The following POLE2 variants were observed in gnomAD, a reference collection of about 807,000 sequenced individuals.
POLE2 encodes the protein DNA polymerase epsilon subunit 2.
In POLE2, 56 loss-of-function variants were observed where a neutral mutation model predicts 79.4. The observed-to-expected ratio is 0.71, with a 90% CI of 0.57 to 0.88. POLE2 has a LOEUF of 0.88. Ranked by LOEUF, POLE2 falls within the 40% of genes least tolerant of loss-of-function variation. The pLI, the probability that POLE2 is intolerant of heterozygous loss-of-function variation, is 0.00. For synonymous variants in POLE2, 212 were observed against 214.0 expected, an observed-to-expected ratio of 0.99 and a Z score of 0.08; for missense variants, 598 against 638.9, an observed-to-expected ratio of 0.94 and a Z score of 0.69.
At chr14:49,656,041 T>C (rs149061645) in intron 10 of POLE2, among the ~76,000 whole-genome samples, 198 bp from the exon 11 acceptor site, 2 of 152,262 alleles carry the variant, frequency 1.3e-5, no homozygotes, top group East Asian at 3.9e-4. Context: ...AATAAAATAA[T>C]AGGCTATATC....
At chr14:49,681,821 C>T (rs561867698) in intron 2 of POLE2, 10 of 143,500 alleles carry the variant, frequency 7.0e-5, no homozygotes, top group South Asian at 7.0e-4. Context: ...GACTCTGTCC[C>T]GCTCTCACCA....
intron 3 of POLE2, among the ~76,000 whole-genome samples, chr14:49,678,508 G>A (rs1886470046): frequency 6.6e-6 from 1 of 152,188 alleles, no homozygotes; most frequent in African/African-American, 2.4e-5. Context: ...GCAGATTGGT[G>A]TGGGGGAAAA....
At chr14:49,670,803 T>C (rs1351477795) in intron 5 of POLE2, among the ~76,000 whole-genome samples, 1 of 152,234 alleles carries the variant, frequency 6.6e-6, no homozygotes, top group Non-Finnish European at 1.5e-5. Context: ...AGATGCCTCC[T>C]GATATTGTGT....
chr14:49,643,593 A>G lies in POLE2; in HGVS notation c.*59T>C, dbSNP rs1189277336. Reference sequence around the variant, plus strand: ...AATTTTATTGTAATATCAGAATCACATAAGATATAGAGTTAAGCAGAAAAC... The same window carrying G: ...AATTTTATTGTAATATCAGAATCACGTAAGATATAGAGTTAAGCAGAAAAC... On this transcript the variant is annotated 3_prime_UTR_variant, in exon 19 of 19. Coordinates refer to ENST00000216367, the MANE Select transcript of POLE2 (RefSeq NM_002692.4). 7 of 877,088 alleles carry G rather than the reference A, an allele frequency of 8.0e-6. No homozygotes were observed. Among genetic ancestry groups the G allele is most frequent in the Middle Eastern group, 2.2e-4 (1 of 4,562 alleles). 54.3% of individuals were successfully genotyped at this position (877,088 alleles called of 1,614,324 possible).
In POLE2 at chr14:49,651,342, C is replaced by T. The variant is rs751584359; in HGVS notation, c.1247G>A (p.Arg416His). ...GCACATTTTATTTACTAAGTCTTCA[C>T]GGAAGACAGTAATTTCCTGTGTACA... ...QYCTQEITVF[R>H]EDLVNKMCRN... The change falls in exon 16 of 19, where the codon CGT (arginine) becomes CAT (histidine). Residue 416 changes from arginine to histidine, a missense_variant. Arg to His is a conservative substitution (Grantham distance 29, BLOSUM62 0). Coordinates refer to ENST00000216367, the MANE Select transcript of POLE2 (RefSeq NM_002692.4). 14 of 1,588,980 alleles carry T rather than the reference C, an allele frequency of 8.8e-6. No individual in the cohort carries two copies. The African/African-American group carries it at 9.4e-5, about 11-fold the overall frequency.
chr14:49,686,033 T>G (rs1206464398), intron 1 of POLE2, among the ~76,000 whole-genome samples: 1 of 152,134 alleles, frequency 6.6e-6, no homozygotes, highest in East Asian at 1.9e-4. Flanking sequence ...TAGCCCTTCT[T>G]TCCTGGAATC....
chr14:49,647,325 A>G lies in POLE2; in HGVS notation c.1533T>C (p.Val511=). 1 of 1,577,038 alleles carries G rather than the reference A, an allele frequency of 6.3e-7. No homozygotes were observed. Among genetic ancestry groups the G allele is most frequent in the Non-Finnish European group, 8.6e-7 (1 of 1,158,120 alleles). ...CTACTGTCTTATTAGAAGGATAAAAAACTTTGAATGAAAATCCACTTCTTG... is the reference window on the plus strand; with the variant it reads ...CTACTGTCTTATTAGAAGGATAAAAGACTTTGAATGAAAATCCACTTCTTG... ...SFPRSGFSFK[V]FYPSNKTVED... is the part of the protein sequence containing the mutation. Residue 511 remains valine (V), a synonymous_variant, in exon 18 of 19, where the codon GTT becomes GTC. Coordinates refer to ENST00000216367, the MANE Select transcript of POLE2 (RefSeq NM_002692.4).
intron 10 of POLE2, among the ~76,000 whole-genome samples, chr14:49,660,247 G>A (rs1049753036): frequency 6.6e-5 from 10 of 152,180 alleles, no homozygotes; most frequent in Non-Finnish European, 1.3e-4. Context: ...CAGCCTTGGT[G>A]TACAGTGGGC....
At chr14:49,660,948 G>A (rs1566543865) in intron 10 of POLE2, among the ~76,000 whole-genome samples, 2 of 152,192 alleles carry the variant, frequency 1.3e-5, no homozygotes, top group Admixed American at 1.3e-4. Flanking sequence ...GGGGGGTAGG[G>A]GGACAAAGTC....
intron 10 of POLE2, among the ~76,000 whole-genome samples, chr14:49,658,502 A>G (rs1884874467): frequency 6.6e-6 from 1 of 152,236 alleles, no homozygotes; most frequent in Admixed American, 6.5e-5. Context: ...TGACCACTAA[A>G]GCACCTTTAG....
intron 11 of POLE2, 152 bp downstream of exon 11, chr14:49,655,519 G>C (rs1884593754): frequency 3.4e-6 from 2 of 596,846 alleles, no homozygotes; most frequent in Non-Finnish European, 5.7e-6. Context: ...AAAAATTTAA[G>C]TCTTTAAAAT....
intron 18 of POLE2, among the ~76,000 whole-genome samples, chr14:49,646,318 T>G (rs867061729): frequency 1.3e-4 from 9 of 69,618 alleles, no homozygotes; most frequent in Non-Finnish European, 2.5e-4. Flanking sequence ...TTTTTTTTTT[T>G]TTTTTTTTTT....
At chr14:49,680,757 CT>C (rs939921911) in intron 2 of POLE2, among the ~76,000 whole-genome samples, 244 of 140,816 alleles carry the variant, frequency 1.7e-3, no homozygotes, top group Middle Eastern at 3.6e-3. Flanking sequence ...GTATCATTTT[CT>C]TTTTTTTTTT....
chr14:49,650,819 G>T (rs949050522), intron 16 of POLE2, among the ~76,000 whole-genome samples: 1 of 151,984 alleles, frequency 6.6e-6, no homozygotes, highest in African/African-American at 2.4e-5. Context: ...ATCTATTTCC[G>T]TACTTCTCAA....
intron 6 of POLE2, 102 bp downstream of exon 6, chr14:49,669,422 C>A: frequency 2.9e-6 from 2 of 689,196 alleles, no homozygotes; most frequent in Admixed American, 2.4e-5. Flanking sequence ...TAAACAGTTA[C>A]CAATAGTTTA....
intron 1 of POLE2, among the ~76,000 whole-genome samples, chr14:49,687,707 T>C (rs572973816): frequency 5.4e-4 from 82 of 151,912 alleles, no homozygotes; most frequent in Non-Finnish European, 9.7e-4. Context: ...CCTCGCTTCT[T>C]AGAACTTTTT....
At chr14:49,645,320 T>C (rs1161900884) in intron 18 of POLE2, among the ~76,000 whole-genome samples, 2 of 152,250 alleles carry the variant, frequency 1.3e-5, no homozygotes, top group Non-Finnish European at 2.9e-5. Context: ...ACAGGGTTAA[T>C]TTTATCAACT....
chr14:49,664,305 C>T (rs567978938), intron 9 of POLE2, among the ~76,000 whole-genome samples: 7 of 141,748 alleles, frequency 4.9e-5, no homozygotes, highest in Admixed American at 2.8e-4. Context: ...GCCGAGATCG[C>T]GCCACTGCAC....
At chr14:49,686,873 AC>A (rs1417174156) in intron 1 of POLE2, among the ~76,000 whole-genome samples, 2 of 150,556 alleles carry the variant, frequency 1.3e-5, no homozygotes, top group African/African-American at 5.0e-5. Flanking sequence ...CTCCCAAAGC[AC>A]AGTTAAAAGT....
Sources: allele counts gnomAD v4.1 joint callset (sites outside exome capture counted in the v4.1 genomes callset), GRCh38; gene constraint gnomAD v4.1.1; transcripts MANE v1.5; gene names NCBI Gene and HGNC (gene_info 2026-07-23, HGNC 2026-07-21).